Variants in COMMD10 observed in about 807,000 individuals in gnomAD.
The protein encoded by COMMD10 is COMM domain containing 10, also known as COMM domain-containing protein 10.
COMMD10 carries 33 observed loss-of-function variants against 28.9 expected under a neutral mutation model. The ratio of observed to expected loss-of-function variants is 1.14; its 90% confidence interval spans 0.87 to 1.53. The LOEUF (loss-of-function observed/expected upper bound fraction) is 1.53. Ranked by LOEUF, COMMD10 falls within the 40% of genes most tolerant of loss-of-function variation. COMMD10 has a pLI of 0.00. For synonymous variants in COMMD10, 110 were observed against 81.7 expected (o/e 1.35, Z -1.87); for missense variants, 310 against 233.4 (o/e 1.33, Z -2.14).
chr5:116,130,768 C>G (rs181831728), intron 4 of COMMD10, among the ~76,000 whole-genome samples: 2 of 151,946 alleles, frequency 1.3e-5, no homozygotes, highest in Non-Finnish European at 2.9e-5. Context: ...GGTTTGCAGG[C>G]TAGCCTTTGT....
intron 5 of COMMD10, among the ~76,000 whole-genome samples, chr5:116,170,088 C>T (rs1753270468): frequency 6.6e-6 from 1 of 152,032 alleles, no homozygotes. Flanking sequence ...ATTTAGAAAC[C>T]ACATTGTCTC....
At chr5:116,116,714 T>TC (rs1751246154) in intron 4 of COMMD10, among the ~76,000 whole-genome samples, 2 of 148,506 alleles carry the variant, frequency 1.3e-5, no homozygotes, top group African/African-American at 4.9e-5. Context: ...TTTTTTTTTT[T>TC]TTTTTTTTTT....
chr5:116,267,486 A>G lies in COMMD10; in HGVS notation c.511-24031A>G, dbSNP rs181662199. Among the ~76,000 whole-genome samples, 28 of 152,004 alleles carry G rather than the reference A, an allele frequency of 1.8e-4. No homozygotes were observed. The East Asian group carries it at 4.0e-3, about 22-fold the overall frequency. On this transcript the variant is annotated intron_variant, in intron 5 of 6. Coordinates refer to ENST00000274458, the MANE Select transcript of COMMD10 (RefSeq NM_016144.4). Reference sequence around the variant, plus strand: ...ATGGAAGAACATTCTATGTTCATGGATAGGAAGAATCAATATCATGAAAAT... The same window carrying G: ...ATGGAAGAACATTCTATGTTCATGGGTAGGAAGAATCAATATCATGAAAAT...
intron 5 of COMMD10, among the ~76,000 whole-genome samples, chr5:116,285,092 G>A (rs772739828): frequency 2.0e-5 from 3 of 151,868 alleles, no homozygotes; most frequent in African/African-American, 4.9e-5. Context: ...AAAGCTGAAT[G>A]TGTTTTCCTC....
chr5:116,278,139 C>A (rs1055666289), intron 5 of COMMD10, among the ~76,000 whole-genome samples: 3 of 151,664 alleles, frequency 2.0e-5, no homozygotes, highest in African/African-American at 7.3e-5. Context: ...TGTACTTATC[C>A]TTAGAATAAA....
At chr5:116,257,875 T>G (rs1035706538) in intron 5 of COMMD10, among the ~76,000 whole-genome samples, 2 of 151,704 alleles carry the variant, frequency 1.3e-5, no homozygotes, top group African/African-American at 4.9e-5. Context: ...TTGGGAGAAG[T>G]AATTTTCCAA....
At chr5:116,096,499 G>A (rs766817506) in intron 4 of COMMD10, among the ~76,000 whole-genome samples, 9 of 151,776 alleles carry the variant, frequency 5.9e-5, no homozygotes, top group South Asian at 2.1e-4. Flanking sequence ...TAGGTTTTTT[G>A]TGATTTCCTT....
chr5:116,159,869 C>A (rs759466792), intron 5 of COMMD10, among the ~76,000 whole-genome samples: 3 of 152,058 alleles, frequency 2.0e-5, no homozygotes, highest in Non-Finnish European at 4.4e-5. Flanking sequence ...AATGTATTGC[C>A]TGGAAAAATG....
chr5:116,118,413 A>C (rs1420372472), intron 4 of COMMD10, among the ~76,000 whole-genome samples: 1 of 152,202 alleles, frequency 6.6e-6, no homozygotes, highest in Non-Finnish European at 1.5e-5. Context: ...GTAGAGTGTC[A>C]GTAAATATTT....
Position 116,118,382 on chromosome 5 carries a change from A to G in COMMD10, c.400-15686A>G, listed in dbSNP as rs1282656033. ...TTTGTTTACTGCTGTTATTTTCACT[A>G]CTTTTGGTCTTTGGGAGATAGTAGA... On this transcript the variant is annotated intron_variant, in intron 4 of 6. Coordinates refer to ENST00000274458, the MANE Select transcript of COMMD10 (RefSeq NM_016144.4). Among the ~76,000 whole-genome samples the G allele has an allele frequency of 2.0e-5, 3 of 152,008 alleles. No homozygotes were observed. The East Asian group carries it at 5.8e-4, about 29-fold the overall frequency.
At chr5:116,174,502 G>A (rs1354669404) in intron 5 of COMMD10, among the ~76,000 whole-genome samples, 1 of 152,148 alleles carries the variant, frequency 6.6e-6, no homozygotes, top group Non-Finnish European at 1.5e-5. Flanking sequence ...TTGCAAGGGA[G>A]CAATGATATA....
chr5:116,268,498 T>G (rs1412288927), intron 5 of COMMD10, among the ~76,000 whole-genome samples: 1 of 151,952 alleles, frequency 6.6e-6, no homozygotes, highest in African/African-American at 2.4e-5. Flanking sequence ...TTTACACTAT[T>G]GGTGAGACTG....
At chr5:116,292,006 C>A (rs1751376921) in intron 6 of COMMD10, among the ~76,000 whole-genome samples, 1 of 151,884 alleles carries the variant, frequency 6.6e-6, no homozygotes, top group African/African-American at 2.4e-5. Context: ...TCCCTCCACC[C>A]CCCAACTTTA....
chr5:116,215,606 G>T (rs1030438129), intron 5 of COMMD10, among the ~76,000 whole-genome samples: 2 of 150,942 alleles, frequency 1.3e-5, no homozygotes, highest in Non-Finnish European at 3.0e-5. Context: ...AGAATCGCTT[G>T]ATCCCGGGAG....
At chr5:116,274,287 G>A (rs1750843861) in intron 5 of COMMD10, among the ~76,000 whole-genome samples, 1 of 151,838 alleles carries the variant, frequency 6.6e-6, no homozygotes, top group South Asian at 2.1e-4. Flanking sequence ...TGAGACATTT[G>A]TCTACAATAG....
intron 5 of COMMD10, among the ~76,000 whole-genome samples, chr5:116,155,683 C>T (rs1262848856): frequency 6.6e-6 from 1 of 151,738 alleles, no homozygotes; most frequent in Non-Finnish European, 1.5e-5. Context: ...TGTTTTTTCC[C>T]CTCCATATGT....
At chr5:116,085,476 C>T (rs991839173) in intron 1 of COMMD10, 5 of 243,452 alleles carry the variant, frequency 2.1e-5, no homozygotes, top group African/African-American at 1.1e-4. Context: ...CCGGTTCAGA[C>T]ACTCTGGTGG....
At chr5:116,202,283 C>A (rs1420833389) in intron 5 of COMMD10, among the ~76,000 whole-genome samples, 1 of 151,290 alleles carries the variant, frequency 6.6e-6, no homozygotes, top group East Asian at 1.9e-4. Context: ...TCCAGTCTAT[C>A]ATTGTTGGAC....
chr5:116,113,396 G>T (rs1267858270), intron 4 of COMMD10, among the ~76,000 whole-genome samples: 2 of 149,252 alleles, frequency 1.3e-5, no homozygotes, highest in Non-Finnish European at 3.0e-5. Context: ...TTTTGTTAAA[G>T]ATTTTTGATG....
Sources: allele counts gnomAD v4.1 joint callset (sites outside exome capture counted in the v4.1 genomes callset), GRCh38; gene constraint gnomAD v4.1.1; transcripts MANE v1.5; gene names NCBI Gene and HGNC (gene_info 2026-07-23, HGNC 2026-07-21).